The following PRKCA variants were observed in gnomAD, a reference collection of about 807,000 sequenced individuals.
PRKCA encodes protein kinase C alpha, also known as protein kinase C alpha type.
A neutral mutation model predicts 87.0 loss-of-function variants in PRKCA; 27 were observed. That is an observed-to-expected ratio of 0.31 (90% confidence interval 0.23 to 0.43). PRKCA has a LOEUF of 0.43. Ranked by LOEUF, PRKCA falls within the 20% of genes least tolerant of loss-of-function variation. The probability of loss-of-function intolerance (pLI) is 1.00; values close to 1 mark genes in which losing one functional copy is unlikely to be tolerated. For synonymous variants in PRKCA, 329 were observed against 311.1 expected (o/e 1.06, Z -0.61); for missense variants, 518 against 852.3 (o/e 0.61, Z 4.88).
At chr17:66,607,604 T>A (rs1970247768) in intron 3 of PRKCA, among the ~76,000 whole-genome samples, 1 of 152,254 alleles carries the variant, frequency 6.6e-6, no homozygotes, top group African/African-American at 2.4e-5. Context: ...AATTTTCATG[T>A]AGCAACATCT....
intron 8 of PRKCA, among the ~76,000 whole-genome samples, chr17:66,713,233 G>T (rs1973382528): frequency 6.6e-6 from 1 of 151,746 alleles, no homozygotes; most frequent in Non-Finnish European, 1.5e-5. Context: ...TTTACTTTTT[G>T]TAAAGAAGGG....
rs768457832 is a variant in PRKCA, at chr17:66,735,701, T to C, written c.1230+39T>C. On this transcript the variant is annotated intron_variant, in intron 10 of 16. Coordinates refer to ENST00000413366, the MANE Select transcript of PRKCA (RefSeq NM_002737.3). ...GAATCCCTGCGATGCAGTACCCAGC[T>C]CTCAGAGCTACGCCTCAGCCCAAAG... 40 of 1,594,172 alleles carry C rather than the reference T, an allele frequency of 2.5e-5. 1 individual carries two copies. In the South Asian group the frequency reaches 4.5e-4, roughly 18 times the overall value.
At chr17:66,626,497 G>C (rs1970860148) in intron 3 of PRKCA, among the ~76,000 whole-genome samples, 1 of 151,450 alleles carries the variant, frequency 6.6e-6, no homozygotes, top group South Asian at 2.1e-4. Flanking sequence ...GAGTAGCTGG[G>C]ACTACAGGCA....
chr17:66,454,473 A>C (rs1598686419), intron 2 of PRKCA, among the ~76,000 whole-genome samples: 1 of 152,298 alleles, frequency 6.6e-6, no homozygotes, highest in Middle Eastern at 3.4e-3. Context: ...GGATCTGGGT[A>C]GGTGTATTAG....
chr17:66,449,757 C>A (rs531320378), intron 2 of PRKCA, among the ~76,000 whole-genome samples: 9 of 152,280 alleles, frequency 5.9e-5, no homozygotes, highest in African/African-American at 2.2e-4. Context: ...GGGTGTGCAC[C>A]TGCAGCGCCT....
intron 3 of PRKCA, among the ~76,000 whole-genome samples, chr17:66,595,242 G>A (rs998351189): frequency 5.3e-5 from 8 of 151,718 alleles, no homozygotes; most frequent in African/African-American, 1.2e-4. Context: ...ATCTTAGCTC[G>A]CTGTATCCTC....
At chr17:66,532,800 A>G (rs1337301518) in intron 3 of PRKCA, among the ~76,000 whole-genome samples, 1 of 152,180 alleles carries the variant, frequency 6.6e-6, no homozygotes, top group Non-Finnish European at 1.5e-5. Context: ...GACCATGGAC[A>G]AGTTGCCTTG....
intron 3 of PRKCA, among the ~76,000 whole-genome samples, chr17:66,522,612 C>T (rs1292826908): frequency 1.3e-5 from 2 of 151,926 alleles, no homozygotes; most frequent in Non-Finnish European, 2.9e-5. Context: ...CATGCTGAAC[C>T]CCACCTTTGT....
At chr17:66,554,239 G>GAA (rs11290369) in intron 3 of PRKCA, among the ~76,000 whole-genome samples, 428 of 138,796 alleles carry the variant, frequency 3.1e-3, no homozygotes, top group East Asian at 0.013. Flanking sequence ...CCGTCTCTAT[G>GAA]AAAAAAAAAA....
At chr17:66,410,358 A>T (rs1386325740) in intron 2 of PRKCA, among the ~76,000 whole-genome samples, 2 of 152,176 alleles carry the variant, frequency 1.3e-5, no homozygotes, top group African/African-American at 2.4e-5. Flanking sequence ...GGAAACTCAG[A>T]CGTGGCTGGT....
rs58356468 is a variant in PRKCA at position 66,765,418 on chromosome 17, CTATATATA to C, written c.1525-8539_1525-8532del. On this transcript the variant is annotated intron_variant, in intron 13 of 16. Transcript: ENST00000413366. ...CCTGGTCGACAGAGCAAGACTTTGT[CTATATATA>C]TATATATATATATATATATATATAT... 2.4e-3 allele frequency among the ~76,000 whole-genome samples: 120 copies of C among 49,334 alleles called. 2 individuals are homozygous for C. The highest frequency in any genetic ancestry group is 6.7e-3 in the South Asian group (8 of 1,190). 32.4% of individuals were successfully genotyped at this position (49,334 alleles called of 152,430 possible).
At chr17:66,714,204 C>A (rs1392699015) in intron 8 of PRKCA, among the ~76,000 whole-genome samples, 1 of 152,030 alleles carries the variant, frequency 6.6e-6, no homozygotes, top group Non-Finnish European at 1.5e-5. Context: ...CACTTGCATC[C>A]CAGCCATGTT....
At chr17:66,729,667 T>C (rs1244095986) in intron 8 of PRKCA, among the ~76,000 whole-genome samples, 1 of 151,988 alleles carries the variant, frequency 6.6e-6, no homozygotes, top group Non-Finnish European at 1.5e-5. Flanking sequence ...GAAGCAAAAA[T>C]ATCAGGGCCA....
At chr17:66,383,527 T>C (rs531900216) in intron 2 of PRKCA, among the ~76,000 whole-genome samples, 33 of 152,298 alleles carry the variant, frequency 2.2e-4, no homozygotes, top group African/African-American at 7.9e-4. Flanking sequence ...AAACCATCTG[T>C]TTCTGTTTAA....
intron 2 of PRKCA, among the ~76,000 whole-genome samples, chr17:66,317,838 C>T (rs1385871300): frequency 6.6e-6 from 1 of 152,166 alleles, no homozygotes; most frequent in African/African-American, 2.4e-5. Flanking sequence ...AACTATACAT[C>T]CTAAGTGAAT....
chr17:66,397,523 C>G (rs1910766449), intron 2 of PRKCA, among the ~76,000 whole-genome samples: 1 of 151,922 alleles, frequency 6.6e-6, no homozygotes, highest in Non-Finnish European at 1.5e-5. Context: ...TCTTTTTTAG[C>G]TTGTCTTTTG....
intron 13 of PRKCA, among the ~76,000 whole-genome samples, chr17:66,764,283 G>A (rs575103618): frequency 1.5e-3 from 231 of 152,230 alleles, no homozygotes; most frequent in Non-Finnish European, 2.5e-3. Flanking sequence ...TTCCTGTGCC[G>A]TCCTCAAGCT....
intron 2 of PRKCA, among the ~76,000 whole-genome samples, chr17:66,440,247 A>G (rs928810100): frequency 3.9e-5 from 6 of 152,190 alleles, no homozygotes; most frequent in African/African-American, 9.7e-5. Context: ...TCCAGACCCC[A>G]TGGTTTTAAG....
chr17:66,550,127 G>A (rs115431649), intron 3 of PRKCA, among the ~76,000 whole-genome samples: 1 of 152,120 alleles, frequency 6.6e-6, no homozygotes, highest in Non-Finnish European at 1.5e-5. Context: ...TTTCTGACAC[G>A]TGCAGAGTTT....
Sources: gnomAD v4.1 joint callset for allele counts (sites outside exome capture counted in the v4.1 genomes callset) on GRCh38, gnomAD v4.1.1 for gene constraint, MANE v1.5 for transcripts, NCBI Gene and HGNC (gene_info 2026-07-23, HGNC 2026-07-21) for gene names.